Variants in PSMB7 observed in about 807,000 individuals in gnomAD.
The protein encoded by PSMB7 is proteasome subunit beta type-7.
A neutral mutation model predicts 28.1 loss-of-function variants in PSMB7; 5 were observed. That is an observed-to-expected ratio of 0.18 (90% CI 0.09 to 0.37). PSMB7 has a LOEUF of 0.37. Ranked by LOEUF, PSMB7 falls within the 10% of genes least tolerant of loss-of-function variation. PSMB7 has a pLI of 1.00. For synonymous variants in PSMB7, 122 were observed against 123.7 expected, an observed-to-expected ratio of 0.99 and a Z score of 0.09; for missense variants, 275 against 346.2, an observed-to-expected ratio of 0.79 and a Z score of 1.63.
intron 5 of PSMB7, among the ~76,000 whole-genome samples, chr9:124,385,077 A>C (rs1830705963): frequency 6.6e-6 from 1 of 152,226 alleles, no homozygotes; most frequent in African/African-American, 2.4e-5. Context: ...GCCAGTTCCA[A>C]AGAAAAGATT....
intron 5 of PSMB7, among the ~76,000 whole-genome samples, chr9:124,404,704 T>A (rs994113355): frequency 2.0e-5 from 3 of 152,018 alleles, no homozygotes; most frequent in Non-Finnish European, 4.4e-5. Flanking sequence ...CTACAAAAAA[T>A]TAGCCGGGCA....
chr9:124,384,725 G>A, intron 5 of PSMB7, 69 bp from the exon 6 acceptor site: 1 of 1,493,176 alleles, frequency 6.7e-7, no homozygotes, highest in Non-Finnish European at 9.3e-7. Flanking sequence ...AGTTTACCTA[G>A]GGGCAAGAAA....
At chr9:124,373,326 TA>T (rs1231507115) in intron 6 of PSMB7, among the ~76,000 whole-genome samples, 1 of 152,232 alleles carries the variant, frequency 6.6e-6, no homozygotes, top group Non-Finnish European at 1.5e-5. Context: ...CAGACATCTC[TA>T]AAACCTAACG....
chr9:124,409,605 A>T (rs1411667178), intron 4 of PSMB7, among the ~76,000 whole-genome samples: 1 of 152,262 alleles, frequency 6.6e-6, no homozygotes, highest in Non-Finnish European at 1.5e-5. Context: ...CAGCAGTACC[A>T]AGAACACCTT....
At chr9:124,405,524 A>T in intron 4 of PSMB7, 92 bp from the exon 5 acceptor site, 1 of 836,254 alleles carries the variant, frequency 1.2e-6, no homozygotes, top group Non-Finnish European at 2.0e-6. Context: ...TCAGGTAACA[A>T]AAAGTTTTCC....
intron 5 of PSMB7, among the ~76,000 whole-genome samples, chr9:124,404,306 T>G (rs904864558): frequency 1.3e-5 from 2 of 152,204 alleles, no homozygotes; most frequent in African/African-American, 4.8e-5. Flanking sequence ...CAAATTCATA[T>G]GCAGATGTAA....
chr9:124,399,183 T>C (rs1334393686), intron 5 of PSMB7, among the ~76,000 whole-genome samples: 1 of 152,180 alleles, frequency 6.6e-6, no homozygotes, highest in Non-Finnish European at 1.5e-5. Context: ...GTTTCAGACA[T>C]TCTTTAGCAC....
At chr9:124,358,403 T>G (rs1039557660) in intron 6 of PSMB7, among the ~76,000 whole-genome samples, 1 of 152,226 alleles carries the variant, frequency 6.6e-6, no homozygotes, top group Non-Finnish European at 1.5e-5. Context: ...CACTCTCACG[T>G]GACATCTATG....
intron 5 of PSMB7, among the ~76,000 whole-genome samples, chr9:124,386,907 T>A (rs1830726826): frequency 6.6e-6 from 1 of 152,166 alleles, no homozygotes; most frequent in Admixed American, 6.5e-5. Context: ...ACTCAATAAT[T>A]TAAGAAATGA....
intron 5 of PSMB7, among the ~76,000 whole-genome samples, chr9:124,389,547 C>A (rs142890120): frequency 8.9e-4 from 135 of 152,336 alleles, no homozygotes; most frequent in South Asian, 3.1e-3. Flanking sequence ...CCAAGCCCAC[C>A]TACACACCCT....
intron 7 of PSMB7, among the ~76,000 whole-genome samples, chr9:124,354,902 G>A (rs747900965): frequency 4.6e-5 from 7 of 152,216 alleles, no homozygotes; most frequent in African/African-American, 1.4e-4. Flanking sequence ...GACAGTGCCC[G>A]ATTTTTGCGG....
rs1193656331 is a variant in PSMB7 at position 124,413,910 on chromosome 9, A to G, written c.252T>C (p.Ile84=). 1.3e-6 allele frequency: 2 copies of G among 1,594,322 alleles called. No homozygotes were observed. The highest frequency in any genetic ancestry group is 4.5e-5 in the East Asian group (2 of 44,776). The change falls in exon 3 of 8, where the codon ATT becomes ATC. Residue 84 remains isoleucine, a splice_region_variant and synonymous_variant. Coordinates refer to ENST00000259457, the MANE Select transcript of PSMB7 (RefSeq NM_002799.4). ...CSKIHFISPN[I]YCCGAGTAAD... is the part of the protein sequence containing the mutation. ...TATTCAAACGAATCAATACTTACTA[A>G]ATATTAGGAGATATGAAGTGTATTT...
chr9:124,356,993 G>T lies in PSMB7; in HGVS notation c.571-78C>A. 1 of 1,546,152 alleles carries T rather than the reference G, an allele frequency of 6.5e-7. No homozygotes were observed. Among genetic ancestry groups the T allele is most frequent in the Non-Finnish European group, 8.9e-7 (1 of 1,128,170 alleles). On this transcript the variant is annotated intron_variant, in intron 6 of 7. Coordinates refer to ENST00000259457, the MANE Select transcript of PSMB7 (RefSeq NM_002799.4). The surrounding 1 kb of genome is among the most constrained non-coding windows in gnomAD (Gnocchi z 4.4). Reference sequence around the variant, plus strand: ...TGACATCCGCAATGTACGTCCACTAGCAGTGCGCAAGACCTCCCGCGAGAC... The same window carrying T: ...TGACATCCGCAATGTACGTCCACTATCAGTGCGCAAGACCTCCCGCGAGAC...
At chr9:124,366,914 C>A (rs750745883) in intron 6 of PSMB7, among the ~76,000 whole-genome samples, 1 of 152,224 alleles carries the variant, frequency 6.6e-6, no homozygotes, top group Admixed American at 6.5e-5. Context: ...GCCAGACCAT[C>A]TAGGTTTGTG....
chr9:124,401,319 CTG>C (rs1161623211), intron 5 of PSMB7, among the ~76,000 whole-genome samples: 28 of 152,360 alleles, frequency 1.8e-4, no homozygotes, highest in Middle Eastern at 3.4e-3. Flanking sequence ...TCTCTAATGA[CTG>C]TTCTTTTCCT....
At chr9:124,360,705 G>C (rs1448421753) in intron 6 of PSMB7, among the ~76,000 whole-genome samples, 1 of 152,232 alleles carries the variant, frequency 6.6e-6, no homozygotes, top group Non-Finnish European at 1.5e-5. Context: ...GGTTCAAGGA[G>C]ACATGGAGGC....
At chr9:124,353,808 G>T in intron 7 of PSMB7, 99 bp from the exon 8 acceptor site, 1 of 873,792 alleles carries the variant, frequency 1.1e-6, no homozygotes, top group Non-Finnish European at 1.8e-6. Context: ...GCAGTGAGCA[G>T]GCTGGACTGG....
At chr9:124,369,933 C>T (rs560908176) in intron 6 of PSMB7, among the ~76,000 whole-genome samples, 1 of 152,258 alleles carries the variant, frequency 6.6e-6, no homozygotes, top group East Asian at 1.9e-4. Flanking sequence ...TGACATAGTC[C>T]CTGCTTGTGG....
chr9:124,412,284 T>A, intron 4 of PSMB7, 68 bp downstream of exon 4: 1 of 1,497,146 alleles, frequency 6.7e-7, no homozygotes, highest in Non-Finnish European at 9.2e-7. Context: ...TCCAGGCTTC[T>A]CTTGGCTGAA....
Sources: gnomAD v4.1 joint callset for allele counts (sites outside exome capture counted in the v4.1 genomes callset) on GRCh38, gnomAD v4.1.1 for gene constraint, Gnocchi (gnomAD v3.1) non-coding constraint, MANE v1.5 for transcripts, NCBI Gene and HGNC (gene_info 2026-07-23, HGNC 2026-07-21) for gene names.